Variants in FANCI observed in about 807,000 individuals in gnomAD.
FANCI encodes Fanconi anemia group I protein.
A neutral mutation model predicts 176.1 loss-of-function variants in FANCI; 156 were observed. The ratio of observed to expected loss-of-function variants is 0.89; its 90% CI spans 0.78 to 1.01. The LOEUF (loss-of-function observed/expected upper bound fraction) is 1.01, where lower values mean the gene tolerates loss of function less well. Ranked by LOEUF, FANCI falls within the 50% of genes least tolerant of loss-of-function variation. The probability of loss-of-function intolerance (pLI) is 0.00; values close to 1 mark genes in which losing one functional copy is unlikely to be tolerated. For synonymous variants in FANCI, 613 were observed against 541.7 expected, an observed-to-expected ratio of 1.13 and a Z score of -1.83; for missense variants, 1,678 against 1,534.1, an observed-to-expected ratio of 1.09 and a Z score of -1.57.
At chr15:89,313,062 T>C in intron 35 of FANCI, 90 bp downstream of exon 35, 3 of 1,209,674 alleles carry the variant, frequency 2.5e-6, no homozygotes, top group East Asian at 2.3e-5. Flanking sequence ...AGACCACGTG[T>C]TGTATGATTC....
At chr15:89,270,692 G>C (rs557942180) in intron 10 of FANCI, among the ~76,000 whole-genome samples, 1 of 152,008 alleles carries the variant, frequency 6.6e-6, no homozygotes, top group Non-Finnish European at 1.5e-5. Flanking sequence ...TAAATTCAAT[G>C]TACTTATTAT....
chr15:89,305,486 C>T lies in FANCI; in HGVS notation c.3255+77C>T. ...TACTCCATGTGAAGTGACTTGTGTC[C>T]TATAGCGGCTTGTGTCCTGAGGCCT... On this transcript the variant is annotated intron_variant, in intron 30 of 37. Coordinates refer to ENST00000310775, the MANE Select transcript of FANCI (RefSeq NM_001113378.2). 10 of 1,608,508 alleles carry T rather than the reference C, an allele frequency of 6.2e-6. No homozygotes were observed. The South Asian group carries it at 1.1e-4, about 18-fold the overall frequency.
intron 2 of FANCI, 82 bp downstream of exon 2, chr15:89,247,813 T>C (rs1222935846): frequency 8.8e-7 from 1 of 1,137,442 alleles, no homozygotes; most frequent in Non-Finnish European, 1.3e-6. Flanking sequence ...AAAGAAAAAT[T>C]ACGCTGCTTC....
chr15:89,265,824 A>G (rs2052924764), intron 9 of FANCI, among the ~76,000 whole-genome samples: 1 of 151,768 alleles, frequency 6.6e-6, no homozygotes, highest in East Asian at 1.9e-4. Context: ...GCCTGGCCGG[A>G]TTTTTTGTTT....
At chr15:89,288,337 CA>C (rs201565614) in intron 18 of FANCI, among the ~76,000 whole-genome samples, 4 of 151,546 alleles carry the variant, frequency 2.6e-5, no homozygotes, top group South Asian at 4.2e-4. Flanking sequence ...CCTTCCCCCC[CA>C]AAAAAAATCT....
chr15:89,281,355 G>A, intron 15 of FANCI, 55 bp downstream of exon 15: 2 of 1,596,648 alleles, frequency 1.3e-6, no homozygotes, highest in Non-Finnish European at 8.6e-7. Flanking sequence ...ACTGTCTAGT[G>A]GAAGTCTGAT....
At chr15:89,281,691 A>G in intron 15 of FANCI, 74 bp from the exon 16 acceptor site, 1 of 1,335,604 alleles carries the variant, frequency 7.5e-7, no homozygotes, top group Non-Finnish European at 1.1e-6. Flanking sequence ...GCCATATGGT[A>G]ACAGTATTGG....
At chr15:89,258,970 C>T in intron 3 of FANCI, 194 bp downstream of exon 3, 1 of 568,288 alleles carries the variant, frequency 1.8e-6, no homozygotes, top group African/African-American at 1.9e-5. Flanking sequence ...TTTGAAGTGG[C>T]TACCTGAGAT....
At chr15:89,316,242 C>T (rs1378335696) in intron 37 of FANCI, 155 bp from the exon 38 acceptor site, 11 of 773,810 alleles carry the variant, frequency 1.4e-5, no homozygotes, top group Non-Finnish European at 2.4e-5. Flanking sequence ...TCCTCTTCTT[C>T]AACAACATAA....
At chr15:89,274,004 A>T (rs1430984339) in intron 11 of FANCI, among the ~76,000 whole-genome samples, 164 bp from the exon 12 acceptor site, 1 of 152,182 alleles carries the variant, frequency 6.6e-6, no homozygotes, top group Non-Finnish European at 1.5e-5. Flanking sequence ...AATAGTTGTC[A>T]TAGGGATATA....
intron 3 of FANCI, 109 bp from the exon 4 acceptor site, chr15:89,260,604 C>T (rs775785721): frequency 3.8e-5 from 54 of 1,407,494 alleles, no homozygotes; most frequent in South Asian, 4.6e-5. Context: ...AGTAATCAGT[C>T]GTTTGATAAT....
chr15:89,273,510 GTAAAAAAAAAAA>G, intron 11 of FANCI, 41 bp downstream of exon 11: 1 of 660,468 alleles, frequency 1.5e-6, no homozygotes, highest in African/African-American at 2.7e-5. Context: ...TCTGTAGTTG[GTAAAAAAAAAAA>G]AAAAAAAAAA....
chr15:89,316,162 A>G (rs937006117), intron 37 of FANCI: 2 of 559,038 alleles, frequency 3.6e-6, no homozygotes, highest in Non-Finnish European at 6.4e-6. Context: ...TCCCATAAGT[A>G]TCCTCAGTAT....
intron 37 of FANCI, among the ~76,000 whole-genome samples, 155 bp downstream of exon 37, chr15:89,315,544 G>A (rs781583628): frequency 6.6e-6 from 1 of 152,214 alleles, no homozygotes; most frequent in Non-Finnish European, 1.5e-5. Flanking sequence ...CAGAAGGGTT[G>A]TAAACTTTGG....
intron 24 of FANCI, among the ~76,000 whole-genome samples, chr15:89,297,576 C>T (rs924286147): frequency 1.3e-5 from 2 of 152,184 alleles, no homozygotes; most frequent in African/African-American, 4.8e-5. Flanking sequence ...CCGGCCAACA[C>T]AGCGAAACCC....
chr15:89,294,685 A>G (rs1039435989), intron 23 of FANCI, among the ~76,000 whole-genome samples: 3 of 152,182 alleles, frequency 2.0e-5, no homozygotes, highest in African/African-American at 7.2e-5. Context: ...ATCAAAGTAA[A>G]GGATTTGGGG....
chr15:89,316,207 T>G (rs1307722056), intron 37 of FANCI, 190 bp from the exon 38 acceptor site: 1 of 636,304 alleles, frequency 1.6e-6, no homozygotes, highest in East Asian at 2.8e-5. Context: ...CACTGTCTTA[T>G]TACTCTACAC....
Position 89,309,986 on chromosome 15 carries a change from A to G in FANCI, c.3651+2314A>G, listed in dbSNP as rs1003152266. Among the ~76,000 whole-genome samples the G allele has an allele frequency of 2.0e-5, 3 of 152,244 alleles. No individual in the cohort carries two copies. The East Asian group carries it at 5.8e-4, about 29-fold the overall frequency. On this transcript the variant is annotated intron_variant, in intron 34 of 37. Coordinates refer to ENST00000310775, the MANE Select transcript of FANCI (RefSeq NM_001113378.2). ...CTGATGTGTTAAGCTCTTTTCATAC[A>G]TCATCTCATTCATCCTAGCTATAGG...
chr15:89,277,589 G>T (rs1421704839), intron 13 of FANCI, among the ~76,000 whole-genome samples: 1 of 139,320 alleles, frequency 7.2e-6, no homozygotes, highest in South Asian at 2.3e-4. Context: ...TCCAGCCTGG[G>T]TAACAAAGTG....
Sources: allele counts gnomAD v4.1 joint callset (sites outside exome capture counted in the v4.1 genomes callset), GRCh38; gene constraint gnomAD v4.1.1; transcripts MANE v1.5; gene names NCBI Gene and HGNC (gene_info 2026-07-23, HGNC 2026-07-21).